Variants in WDR19 observed in about 807,000 individuals in gnomAD.
WDR19 encodes WD repeat domain 19, also known as WD repeat-containing protein 19.
A neutral mutation model predicts 180.0 loss-of-function variants in WDR19; 121 were observed. That is an observed-to-expected ratio of 0.67 (90% CI 0.58 to 0.78). The LOEUF (loss-of-function observed/expected upper bound fraction) is 0.78, where lower values mean the gene tolerates loss of function less well. WDR19 is among the 30% of genes least tolerant of loss of function. The probability of loss-of-function intolerance (pLI) is 0.00; values close to 1 mark genes in which losing one functional copy is unlikely to be tolerated. For synonymous variants in WDR19, 497 were observed against 540.7 expected (o/e 0.92, Z 1.12); for missense variants, 1,450 against 1,640.7 (o/e 0.88, Z 2.01).
chr4:39,189,762 C>A lies in WDR19; in HGVS notation c.271C>A (p.Gln91Lys). 1 of 1,604,824 alleles carries A rather than the reference C, an allele frequency of 6.2e-7. No individual in the cohort carries two copies. The highest frequency in any genetic ancestry group is 2.2e-5 in the East Asian group (1 of 44,532). The change falls in exon 4 of 37, where the codon CAG (glutamine) becomes AAG (lysine). Residue 91 changes from glutamine (Q) to lysine (K), a missense_variant. Physicochemically the swap from Gln to Lys is moderately conservative, Grantham distance 53 (BLOSUM62 1). Coordinates refer to ENST00000399820, the MANE Select transcript of WDR19 (RefSeq NM_025132.4). The part of the protein sequence containing the change: ...LWDANTNKTS[Q>K]LDNGMRDQMS... The stretch of plus-strand genomic sequence containing the variant: ...GGATGCCAACACAAATAAGACCAGC[C>A]AGTTAGACAATGGCATGAGGTAAGA...
intron 5 of WDR19, 86 bp downstream of exon 5, chr4:39,194,745 C>A: frequency 1.9e-6 from 2 of 1,074,062 alleles, no homozygotes; most frequent in South Asian, 2.9e-5. Flanking sequence ...CCTGATCTTG[C>A]AATGGAAATT....
At chr4:39,284,383 G>A (rs1441527059) in intron 36 of WDR19, among the ~76,000 whole-genome samples, 1 of 141,804 alleles carries the variant, frequency 7.1e-6, no homozygotes, top group Non-Finnish European at 1.5e-5. Context: ...CTGCTGCCTG[G>A]GCTGGGGTGC....
intron 2 of WDR19, 78 bp downstream of exon 2, chr4:39,185,895 TGTTGTTG>T: frequency 9.1e-7 from 1 of 1,093,118 alleles, no homozygotes; most frequent in Non-Finnish European, 1.2e-6. Context: ...AAGTTTTTTT[TGTTGTTG>T]TTTTTTTTTT....
intron 34 of WDR19, 55 bp downstream of exon 34, chr4:39,277,198 T>A: frequency 6.6e-7 from 1 of 1,515,168 alleles, no homozygotes; most frequent in Non-Finnish European, 8.9e-7. Flanking sequence ...GTAACCCATT[T>A]GAATACTTGA....
In WDR19 at chr4:39,225,043, G is replaced by T; in HGVS notation, c.1629+10G>T. ...ATTTGTTTACTGTCCAGTAAGTCTG[G>T]AACATTTTTAAATGTTTATTTTTTG... is the stretch of plus-strand genomic sequence containing the variant. On this transcript the variant is annotated intron_variant, in intron 15 of 36. Transcript: ENST00000399820. 1 of 1,514,100 alleles carries T rather than the reference G, an allele frequency of 6.6e-7. No individual in the cohort carries two copies. Among genetic ancestry groups the T allele is most frequent in the South Asian group, 1.3e-5 (1 of 75,252 alleles). The allele number at this position is 1,514,100 out of a possible 1,614,324, so 93.8% of individuals were successfully genotyped here.
intron 28 of WDR19, among the ~76,000 whole-genome samples, 200 bp downstream of exon 28, chr4:39,257,754 A>G (rs905108879): frequency 1.3e-5 from 2 of 151,778 alleles, no homozygotes; most frequent in African/African-American, 4.8e-5. Flanking sequence ...TTTTTTTTTA[A>G]GTAAATCACA....
At chr4:39,281,236 T>TATATATAGAGAGAGAGAGAGAGAG (rs762298152) in intron 36 of WDR19, among the ~76,000 whole-genome samples, 12 of 104,036 alleles carry the variant, frequency 1.2e-4, no homozygotes, top group African/African-American at 2.6e-4. Flanking sequence ...TATATATATA[T>TATATATAGAGAGAGAGAGAGAGAG]AGAGAGAGAG....
rs1371153516 is a variant in WDR19, at chr4:39,205,217, G to A, written c.667G>A (p.Ala223Thr). ...AAATCTGAATGAACCAGATAACCCA[G>A]CTGATCTTGAATTTCAGCAGGACTT... ...FLNLNEPDNP[A>T]DLEFQQDFGN... The change falls in exon 8 of 37, where the codon GCT (alanine) becomes ACT (threonine). Residue 223 changes from alanine to threonine, a missense_variant. Transcript: ENST00000399820. The A allele has an allele frequency of 1.9e-6, 3 of 1,603,224 alleles. No homozygotes were observed. In the Admixed American group the frequency reaches 5.1e-5, roughly 27 times the overall value.
chr4:39,285,181 T>A (rs991983986), intron 36 of WDR19, among the ~76,000 whole-genome samples: 4 of 152,066 alleles, frequency 2.6e-5, no homozygotes. Context: ...TTCAGGAAAA[T>A]TTTTTCTCTA....
chr4:39,189,076 C>T (rs1014444153), intron 3 of WDR19, among the ~76,000 whole-genome samples: 6 of 152,110 alleles, frequency 3.9e-5, no homozygotes, highest in Non-Finnish European at 8.8e-5. Context: ...GCATGCACCA[C>T]CATGCCCAGC....
rs1210852339 is a variant in WDR19 at position 39,268,130 on chromosome 4, C to G, written c.3358+39C>G. On this transcript the variant is annotated intron_variant, in intron 30 of 36. Coordinates refer to ENST00000399820, the MANE Select transcript of WDR19 (RefSeq NM_025132.4). The stretch of plus-strand genomic sequence containing the variant: ...ACGTATGTGTTACTTCCCAAGCAGG[C>G]AGCAGAATCAAGCCCCAGCCCCTTT... 2.7e-6 allele frequency: 4 copies of G among 1,509,124 alleles called. No homozygotes were observed. The African/African-American group carries it at 5.5e-5, about 21-fold the overall frequency. 93.5% of individuals were successfully genotyped at this position (1,509,124 alleles called of 1,614,324 possible).
At chr4:39,215,758 G>A (rs1306913715) in intron 10 of WDR19, 83 bp from the exon 11 acceptor site, 16 of 1,366,438 alleles carry the variant, frequency 1.2e-5, no homozygotes, top group South Asian at 3.1e-5. Flanking sequence ...TTATGTCTCT[G>A]GTAGCTTAAA....
intron 29 of WDR19, 74 bp from the exon 30 acceptor site, chr4:39,267,921 A>T (rs552655490): frequency 1.7e-4 from 229 of 1,338,962 alleles, no homozygotes; most frequent in Non-Finnish European, 2.3e-4. Context: ...ATGTGATTCT[A>T]ACTGCAATAC....
intron 36 of WDR19, among the ~76,000 whole-genome samples, 151 bp from the exon 37 acceptor site, chr4:39,285,334 TAC>T (rs1000899502): frequency 2.6e-5 from 4 of 152,248 alleles, no homozygotes; most frequent in Admixed American, 6.5e-5. Context: ...TGATGCGGAT[TAC>T]AGTCTAGAGA....
intron 28 of WDR19, among the ~76,000 whole-genome samples, chr4:39,257,919 C>G (rs528324052): frequency 6.6e-6 from 1 of 151,868 alleles, no homozygotes; most frequent in Non-Finnish European, 1.5e-5. Context: ...CTGTGTACCC[C>G]CCACCCAGAT....
chr4:39,202,313 G>A (rs912493615), intron 6 of WDR19, among the ~76,000 whole-genome samples: 19 of 151,536 alleles, frequency 1.3e-4, no homozygotes, highest in Admixed American at 5.3e-4. Flanking sequence ...TTTTAATGAC[G>A]CCTCGTTTTT....
chr4:39,236,904 A>T (rs1487634184), intron 20 of WDR19, among the ~76,000 whole-genome samples: 2 of 152,194 alleles, frequency 1.3e-5, no homozygotes, highest in Admixed American at 6.5e-5. Context: ...GCAGTGTTGC[A>T]TCGAAGTGTA....
At chr4:39,267,267 C>T (rs1403179823) in intron 29 of WDR19, among the ~76,000 whole-genome samples, 3 of 152,144 alleles carry the variant, frequency 2.0e-5, no homozygotes, top group African/African-American at 7.2e-5. Flanking sequence ...GTGAAGAACT[C>T]AAGTCACTGA....
intron 21 of WDR19, among the ~76,000 whole-genome samples, chr4:39,240,734 A>G (rs560041785): frequency 4.3e-4 from 66 of 152,044 alleles, no homozygotes; most frequent in African/African-American, 1.5e-3. Context: ...GGCGGATCAC[A>G]AGGTCAGGAG....
Sources: gnomAD v4.1 joint callset for allele counts (sites outside exome capture counted in the v4.1 genomes callset) on GRCh38, gnomAD v4.1.1 for gene constraint, MANE v1.5 for transcripts, NCBI Gene and HGNC (gene_info 2026-07-23, HGNC 2026-07-21) for gene names.